The following EFEMP2 variants were observed in gnomAD, a reference collection of about 807,000 sequenced individuals.
EFEMP2 encodes the protein EGF-like fibulin extracellular matrix protein 2.
In EFEMP2, 21 loss-of-function variants were observed where a neutral mutation model predicts 55.3. That is an observed-to-expected ratio of 0.38 (90% CI 0.27 to 0.55). The LOEUF is 0.55. Ranked by LOEUF, EFEMP2 falls within the 20% of genes least tolerant of loss-of-function variation. EFEMP2 has a pLI of 0.77. For missense variants in EFEMP2, 513 were observed against 615.1 expected (o/e 0.83, Z 1.76); for synonymous variants, 275 against 242.3 (o/e 1.14, Z -1.25).
In EFEMP2 at chr11:65,866,748, G is replaced by C. The variant is rs763872698; in HGVS notation, c.*170C>G. Reference sequence around the variant, plus strand: ...AGAGACCCCCATTTAGGTGAACTTGGCCTGCCCCCCCAAGTGCCACCCTGC... The same window carrying C: ...AGAGACCCCCATTTAGGTGAACTTGCCCTGCCCCCCCAAGTGCCACCCTGC... On this transcript the variant is annotated 3_prime_UTR_variant, in exon 11 of 11. Transcript: ENST00000307998. 4.6e-6 allele frequency: 4 copies of C among 863,534 alleles called. No homozygotes were observed. In the East Asian group the frequency reaches 1.1e-4, roughly 23 times the overall value. The allele number at this position is 863,534 out of a possible 1,614,324, so 53.5% of individuals were successfully genotyped here.
intron 10 of EFEMP2, chr11:65,867,647 A>T: frequency 1.6e-6 from 1 of 620,998 alleles, no homozygotes. Context: ...CAGTACCAGG[A>T]CTCAAACTCC....
chr11:65,868,311 T>C lies in EFEMP2; in HGVS notation c.958A>G (p.Ile320Val), dbSNP rs1171844417. 6.2e-7 allele frequency: 1 copy of C among 1,613,610 alleles called. No homozygotes were observed. The highest frequency in any genetic ancestry group is 1.7e-5 in the Admixed American group (1 of 59,994). Reference protein sequence around the residue: ...VDTNRCVEPYIQVSENRCLCP... With the variant: ...VDTNRCVEPYVQVSENRCLCP... ...TTGACTCACTTCTCAGAGACCTGGA[T>C]GTAGGGCTCCACGCAGCGGTTGGTG... The change falls in exon 9 of 11, where the codon ATC becomes GTC. Residue 320 changes from isoleucine (I) to valine (V), a missense_variant. By Grantham distance (29) the Ile-to-Val change is conservative. Coordinates refer to ENST00000307998, the MANE Select transcript of EFEMP2 (RefSeq NM_016938.5).
intron 5 of EFEMP2, 42 bp downstream of exon 5, chr11:65,870,494 G>T (rs200069197): frequency 1.2e-6 from 2 of 1,612,694 alleles, no homozygotes; most frequent in South Asian, 2.2e-5. Context: ...GCCAGACCAG[G>T]GACACAAAGC....
intron 1 of EFEMP2, 56 bp from the exon 2 acceptor site, chr11:65,872,417 G>A: frequency 7.8e-7 from 1 of 1,284,778 alleles, no homozygotes; most frequent in South Asian, 1.3e-5. Context: ...TCAACTCCCT[G>A]TACCGGGAGC....
chr11:65,872,386 G>C, intron 1 of EFEMP2, 25 bp from the exon 2 acceptor site: 1 of 1,492,366 alleles, frequency 6.7e-7, no homozygotes, highest in Non-Finnish European at 9.1e-7. Context: ...ACACGGGTCA[G>C]GGGCCTCTGC....
At chr11:65,872,470 G>A in intron 1 of EFEMP2, 109 bp from the exon 2 acceptor site, 2 of 734,288 alleles carry the variant, frequency 2.7e-6, no homozygotes, top group Non-Finnish European at 4.6e-6. Context: ...ACCGTGCTTG[G>A]GCCTCGGGGC....
In EFEMP2 at chr11:65,872,788, G is replaced by A. The variant is rs188624478; in HGVS notation, c.-113C>T. 4,768 of 226,326 alleles carry A rather than the reference G, an allele frequency of 0.021. 64 individuals are homozygous for A. Among genetic ancestry groups the A allele is most frequent in the Non-Finnish European group, 0.032 (3,529 of 108,960 alleles). The allele number at this position is 226,326 out of a possible 1,614,324, so 14.0% of individuals were successfully genotyped here. On this transcript the variant is annotated 5_prime_UTR_variant, in exon 1 of 11. Transcript: ENST00000307998. ...GGACGGCACAGCTCCCTGGACGCGC[G>A]GCCCCAGGAAGCGCCCCCCGCCCGC...
chr11:65,872,425 A>T (rs1354362319), intron 1 of EFEMP2, 64 bp from the exon 2 acceptor site: 31 of 1,201,566 alleles, frequency 2.6e-5, no homozygotes, highest in South Asian at 2.0e-4. Context: ...CTGTACCGGG[A>T]GCCCGAGCCC....
intron 5 of EFEMP2, 129 bp from the exon 6 acceptor site, chr11:65,870,366 G>A (rs1859944389): frequency 6.4e-6 from 9 of 1,408,288 alleles, no homozygotes; most frequent in Non-Finnish European, 9.0e-6. Flanking sequence ...GGCAGGGTCA[G>A]CCAGGACACC....
rs1859889931 is a variant in EFEMP2 at position 65,868,002 on chromosome 11, A to G, written c.1029T>C (p.Ile343=). Residue 343 remains isoleucine (I), a synonymous_variant, in exon 10 of 11, where the codon ATT becomes ATC. Coordinates refer to ENST00000307998, the MANE Select transcript of EFEMP2 (RefSeq NM_016938.5). Reference sequence around the variant, plus strand: ...AGGTGATGGTCATGTAGCGGTGCACAATGGATGAAGGCTGCTCTCGACATA... The same window carrying G: ...AGGTGATGGTCATGTAGCGGTGCACGATGGATGAAGGCTGCTCTCGACATA... The part of the protein sequence containing the change: ...NPLCREQPSS[I]VHRYMTITSE... The G allele has an allele frequency of 6.2e-7, 1 of 1,613,958 alleles. No homozygotes were observed. Among genetic ancestry groups the G allele is most frequent in the Non-Finnish European group, 8.5e-7 (1 of 1,180,024 alleles).
chr11:65,870,130 A>T lies in EFEMP2; in HGVS notation c.598T>A (p.Ser200Thr), dbSNP rs767574096. The stretch of plus-strand genomic sequence containing the variant: ...CCCAGCCCAGCCTCACCAACACAGG[A>T]GCGGTTGTTAGGCCCCAGCTGGAAG... The part of the protein sequence containing the change: ...PGFQLGPNNR[S>T]CVDVNECDMG... The change falls in exon 6 of 11, where the codon TCC becomes ACC. Residue 200 changes from serine to threonine, a missense_variant. Transcript: ENST00000307998. 6.2e-7 allele frequency: 1 copy of T among 1,613,672 alleles called. No individual in the cohort carries two copies. Among genetic ancestry groups the T allele is most frequent in the Non-Finnish European group, 8.5e-7 (1 of 1,179,952 alleles).
intron 7 of EFEMP2, 169 bp downstream of exon 7, chr11:65,869,688 C>G (rs1859929433): frequency 1.0e-6 from 1 of 995,756 alleles, no homozygotes; most frequent in Non-Finnish European, 1.6e-6. Context: ...GCCTCCCCCA[C>G]TAGCCTGGGA....
In EFEMP2 at chr11:65,872,379, CG is replaced by C; in HGVS notation, c.-7-19del. The C allele has an allele frequency of 6.6e-7, 1 of 1,514,414 alleles. No individual in the cohort carries two copies. Among genetic ancestry groups the C allele is most frequent in the Non-Finnish European group, 9.0e-7 (1 of 1,114,504 alleles). The allele number at this position is 1,514,414 out of a possible 1,614,324, so 93.8% of individuals were successfully genotyped here. A position where few individuals can be genotyped will look rare whatever the true frequency, so the allele number is the denominator to read the frequency against. ...TCCTGGGGCTGCGAGATGGTGGACACGGGTCAGGGGCCTCTGCCCGCGGCAC... is the reference window on the plus strand; with the variant it reads ...TCCTGGGGCTGCGAGATGGTGGACACGGTCAGGGGCCTCTGCCCGCGGCAC... On this transcript the variant is annotated intron_variant, in intron 1 of 10. Coordinates refer to ENST00000307998, the MANE Select transcript of EFEMP2 (RefSeq NM_016938.5).
rs543567156 is a variant in EFEMP2 at position 65,867,067 on chromosome 11, C to G, written c.1183G>C (p.Val395Leu). The change falls in exon 11 of 11, where the codon GTC becomes CTC. Residue 395 changes from valine to leucine, a missense_variant. Transcript: ENST00000307998. Reference protein sequence around the residue: ...GDFYIRQINNVSAMLVLARPV... With the variant: ...GDFYIRQINNLSAMLVLARPV... ...CGGGCGAGGACCAGCATGGCGCTGA[C>G]GTTGTTGATTTGCTGCAGGGCAGTG... is the stretch of plus-strand genomic sequence containing the variant. 1.9e-6 allele frequency: 3 copies of G among 1,614,082 alleles called. No individual in the cohort carries two copies. Among genetic ancestry groups the G allele is most frequent in the Middle Eastern group, 1.7e-4 (1 of 6,056 alleles).
In EFEMP2 at chr11:65,872,010, TG is replaced by T; in HGVS notation, c.119del (p.Thr40LysfsTer20). 6.4e-7 allele frequency: 1 copy of T among 1,551,678 alleles called. No homozygotes were observed. The highest frequency in any genetic ancestry group is 1.2e-5 in the South Asian group (1 of 84,062). The part of the protein sequence containing the change: ...SEEPDSYTEC[T>X]DGYEWDPDSQ... ...TGTCTGGGTCCCACTCATAGCCATC[TG>T]TGCATTCCTGGAAGGGAACCAGAAG... On this transcript the variant is annotated frameshift_variant, in exon 3 of 11. Coordinates refer to ENST00000307998, the MANE Select transcript of EFEMP2 (RefSeq NM_016938.5). LOFTEE classifies it high-confidence loss of function.
At chr11:65,870,478 G>C in intron 5 of EFEMP2, 58 bp downstream of exon 5, 1 of 1,609,942 alleles carries the variant, frequency 6.2e-7, no homozygotes, top group Non-Finnish European at 8.5e-7. Context: ...AGGTGCTAGG[G>C]CAAGGGCCAG....
At chr11:65,868,835 C>T in intron 7 of EFEMP2, 1 of 628,150 alleles carries the variant, frequency 1.6e-6, no homozygotes. Flanking sequence ...TTCTCTCTGC[C>T]CAGAACTGGA....
Position 65,872,335 on chromosome 11 carries a change from C to A in EFEMP2, c.20G>T (p.Cys7Phe), listed in dbSNP as rs960665217. 3.3e-5 allele frequency: 51 copies of A among 1,551,382 alleles called. No homozygotes were observed. Among genetic ancestry groups the A allele is most frequent in the Non-Finnish European group, 4.0e-5 (46 of 1,146,952 alleles). The change falls in exon 2 of 11, where the codon TGC (cysteine) becomes TTC (phenylalanine). Residue 7 changes from cysteine (C) to phenylalanine (F), a missense_variant. Physicochemically the swap from Cys to Phe is radical, Grantham distance 205. Coordinates refer to ENST00000307998, the MANE Select transcript of EFEMP2 (RefSeq NM_016938.5). The stretch of plus-strand genomic sequence containing the variant: ...CCAGAGCAGTAGAGACCCGGGTAGG[C>A]AGGAGGCGCAGGGGAGCATCCTGGG... MLPCAS[C>F]LPGSLLLWAL... is the part of the protein sequence containing the mutation.
chr11:65,867,043 G>T lies in EFEMP2; in HGVS notation c.1207C>A (p.Arg403=), dbSNP rs765684268. 8 of 1,614,030 alleles carry T rather than the reference G, an allele frequency of 5.0e-6. No homozygotes were observed. The Admixed American group carries it at 1.3e-4, about 27-fold the overall frequency. The change falls in exon 11 of 11, where the codon CGG becomes AGG. Residue 403 remains arginine, a synonymous_variant. Coordinates refer to ENST00000307998, the MANE Select transcript of EFEMP2 (RefSeq NM_016938.5). ...TACTCCCGGGGGCCCGTCACCGGCCGGGCGAGGACCAGCATGGCGCTGACG... is the reference window on the plus strand; with the variant it reads ...TACTCCCGGGGGCCCGTCACCGGCCTGGCGAGGACCAGCATGGCGCTGACG... ...NNVSAMLVLA[R]PVTGPREYVL...
Sources: allele counts gnomAD v4.1 joint callset, GRCh38; gene constraint gnomAD v4.1.1; transcripts MANE v1.5; gene names NCBI Gene and HGNC (gene_info 2026-07-23, HGNC 2026-07-21).